Variants in KIAA1671 observed in about 807,000 individuals in gnomAD.
The protein encoded by KIAA1671 is KIAA1671.
In KIAA1671, 52 loss-of-function variants were observed where a neutral mutation model predicts 131.2. The ratio of observed to expected loss-of-function variants is 0.40; its 90% confidence interval spans 0.32 to 0.50. The LOEUF is 0.50. Among genes scored for constraint, KIAA1671 ranks in the 20% least tolerant of loss-of-function variants. KIAA1671 has a pLI of 0.73. For synonymous variants in KIAA1671, 1,003 were observed against 961.6 expected (o/e 1.04, Z -0.80); for missense variants, 2,360 against 2,364.2 (o/e 1.00, Z 0.04).
chr22:25,109,424 C>T (rs1312982849), intron 6 of KIAA1671, among the ~76,000 whole-genome samples: 1 of 151,980 alleles, frequency 6.6e-6, no homozygotes, highest in East Asian at 1.9e-4. Flanking sequence ...TTCTTCTTTA[C>T]TCAGACGTGA....
chr22:25,135,116 C>A (rs1377658865), intron 6 of KIAA1671, among the ~76,000 whole-genome samples: 2 of 152,160 alleles, frequency 1.3e-5, no homozygotes, highest in Non-Finnish European at 2.9e-5. Context: ...TTTATATTCA[C>A]AAGAATTTGA....
chr22:25,029,699 G>T (rs1926171227), intron 3 of KIAA1671, among the ~76,000 whole-genome samples, 159 bp downstream of exon 3: 2 of 152,268 alleles, frequency 1.3e-5, no homozygotes, highest in South Asian at 4.1e-4. Context: ...TGAGAAAGGT[G>T]AGGTGCGGAG....
chr22:25,081,060 C>T (rs754264207), intron 6 of KIAA1671, among the ~76,000 whole-genome samples: 3 of 152,078 alleles, frequency 2.0e-5, no homozygotes, highest in Non-Finnish European at 4.4e-5. Context: ...ATGCCAATCT[C>T]GTGACTGCTG....
At chr22:25,103,447 C>T (rs911024479) in intron 6 of KIAA1671, among the ~76,000 whole-genome samples, 1 of 152,104 alleles carries the variant, frequency 6.6e-6, no homozygotes, top group South Asian at 2.1e-4. Flanking sequence ...CAAGCTCCGC[C>T]TCCTAGGTTC....
Position 25,194,966 on chromosome 22 carries a change from A to G in KIAA1671, c.*2565A>G, listed in dbSNP as rs1245062479. The stretch of plus-strand genomic sequence containing the variant: ...GAGCTCTCTTTGAGGCTAAGCAAGG[A>G]GGCGTTGTATGCTAGTTTCTAGACT... On this transcript the variant is annotated 3_prime_UTR_variant, in exon 13 of 13. Coordinates refer to ENST00000358431, the MANE Select transcript of KIAA1671 (RefSeq NM_001145206.2). The G allele has an allele frequency of 6.6e-6, 1 of 152,220 alleles. No individual in the cohort carries two copies. The allele number at this position is 152,220 out of a possible 1,614,324, so 9.4% of individuals were successfully genotyped here. A position where few individuals can be genotyped will look rare whatever the true frequency, so the allele number is the denominator to read the frequency against.
intron 6 of KIAA1671, chr22:25,065,288 A>T (rs1928406712): frequency 6.6e-6 from 1 of 152,248 alleles, no homozygotes; most frequent in African/African-American, 2.4e-5. Flanking sequence ...CCTGGCATAC[A>T]GTAGGCCCAC....
intron 6 of KIAA1671, among the ~76,000 whole-genome samples, chr22:25,139,394 G>A (rs529321574): frequency 3.3e-5 from 5 of 152,184 alleles, no homozygotes; most frequent in Admixed American, 3.3e-4. Flanking sequence ...ACAAAGGTGG[G>A]GTCCAGCAGA....
At chr22:25,084,457 CA>C (rs36090380) in intron 6 of KIAA1671, among the ~76,000 whole-genome samples, 18,215 of 128,246 alleles carry the variant, frequency 0.14, 1,155 homozygotes, top group South Asian at 0.16. Context: ...GACTCTATCT[CA>C]AAAAAAAAAA....
At chr22:25,179,296 C>G in intron 9 of KIAA1671, 2 of 1,572,050 alleles carry the variant, frequency 1.3e-6, no homozygotes, top group Non-Finnish European at 1.7e-6. Flanking sequence ...TGGGCGCCGC[C>G]CGTCCCGGGC....
intron 1 of KIAA1671, among the ~76,000 whole-genome samples, chr22:24,997,540 G>C (rs940952942): frequency 3.3e-5 from 5 of 152,086 alleles, no homozygotes; most frequent in Admixed American, 1.3e-4. Flanking sequence ...CTGGTATAGG[G>C]GTTGTTGGTG....
intron 1 of KIAA1671, among the ~76,000 whole-genome samples, chr22:24,975,356 T>C (rs910514692): frequency 6.6e-6 from 1 of 151,864 alleles, no homozygotes; most frequent in Non-Finnish European, 1.5e-5. Flanking sequence ...TCCCACTGTG[T>C]CACCCAGGCT....
At chr22:25,137,435 A>G (rs942151187) in intron 6 of KIAA1671, among the ~76,000 whole-genome samples, 5 of 152,220 alleles carry the variant, frequency 3.3e-5, no homozygotes, top group African/African-American at 9.6e-5. Context: ...TCATGGAATC[A>G]TGGAATGGTT....
At chr22:24,958,937 T>G (rs1019931286) in intron 1 of KIAA1671, among the ~76,000 whole-genome samples, 4 of 146,570 alleles carry the variant, frequency 2.7e-5, no homozygotes, top group Non-Finnish European at 4.5e-5. Flanking sequence ...GCCGAGATTG[T>G]GCCACTGCAC....
rs554392155 is a variant in KIAA1671 at position 25,064,631 on chromosome 22, G to C, written c.4530+15267G>C. The C allele has an allele frequency of 2.6e-5, 4 of 152,320 alleles. No individual in the cohort carries two copies. The East Asian group carries it at 5.8e-4, about 22-fold the overall frequency. 9.4% of individuals were successfully genotyped at this position (152,320 alleles called of 1,614,324 possible). On this transcript the variant is annotated intron_variant, in intron 6 of 12. Coordinates refer to ENST00000358431, the MANE Select transcript of KIAA1671 (RefSeq NM_001145206.2). ...CCTCAGTTTCCCTCTTTGGGAACCTGTTCTGTCTGCGCCCTGACCTTTCAG... is the reference window on the plus strand; with the variant it reads ...CCTCAGTTTCCCTCTTTGGGAACCTCTTCTGTCTGCGCCCTGACCTTTCAG...
At chr22:25,015,871 T>C (rs1925286796) in intron 1 of KIAA1671, among the ~76,000 whole-genome samples, 1 of 152,224 alleles carries the variant, frequency 6.6e-6, no homozygotes, top group African/African-American at 2.4e-5. Context: ...AAGACTTTGC[T>C]AATTATGTCA....
At chr22:24,993,333 T>C (rs61707226) in intron 1 of KIAA1671, among the ~76,000 whole-genome samples, 1,713 of 152,248 alleles carry the variant, frequency 0.011, 42 homozygotes, top group African/African-American at 0.039. Flanking sequence ...CAAGACCCTG[T>C]CCGTTGTCTT....
chr22:25,011,889 G>T (rs149533225), intron 1 of KIAA1671: 2,852 of 152,084 alleles, frequency 0.019, 49 homozygotes, highest in South Asian at 0.074. Flanking sequence ...TGACCACCTT[G>T]GCCTCCCAAA....
rs1275410039 is a variant in KIAA1671, at chr22:25,038,861, C to T, written c.1731C>T (p.Ser577=). ...CCAGGCAGACGGAGCAGAAGGTTAGCTCTAACCAAGACCCCGACAGCTGTC... is the reference window on the plus strand; with the variant it reads ...CCAGGCAGACGGAGCAGAAGGTTAGTTCTAACCAAGACCCCGACAGCTGTC... ...DKSRQTEQKV[S]SNQDPDSCRG... Residue 577 remains serine, a synonymous_variant, in exon 5 of 13, where the codon AGC becomes AGT. Coordinates refer to ENST00000358431, the MANE Select transcript of KIAA1671 (RefSeq NM_001145206.2). 1.9e-5 allele frequency: 30 copies of T among 1,551,746 alleles called. No homozygotes were observed. The South Asian group carries it at 3.2e-4, about 17-fold the overall frequency.
intron 6 of KIAA1671, among the ~76,000 whole-genome samples, chr22:25,149,459 C>T (rs1932965405): frequency 6.6e-6 from 1 of 152,076 alleles, no homozygotes; most frequent in Admixed American, 6.5e-5. Flanking sequence ...GGGTGCTGAT[C>T]ACCATCCCTG....
Sources: gnomAD v4.1 joint callset for allele counts (sites outside exome capture counted in the v4.1 genomes callset) on GRCh38, gnomAD v4.1.1 for gene constraint, MANE v1.5 for transcripts, NCBI Gene and HGNC (gene_info 2026-07-23, HGNC 2026-07-21) for gene names.